Variants in ANKRD30B observed in about 807,000 individuals in gnomAD.
ANKRD30B encodes ankyrin repeat domain-containing protein 30B.
In ANKRD30B, 144 loss-of-function variants were observed where a neutral mutation model predicts 202.2. The observed-to-expected ratio is 0.71, with a 90% CI of 0.62 to 0.82. The LOEUF is 0.82. ANKRD30B is among the 40% of genes least tolerant of loss of function. ANKRD30B has a pLI of 0.00. For missense variants in ANKRD30B, 1,487 were observed against 1,669.1 expected, an observed-to-expected ratio of 0.89 and a Z score of 1.90; for synonymous variants, 508 against 561.3, an observed-to-expected ratio of 0.91 and a Z score of 1.34.
chr18:14,840,815 G>C, intron 37 of ANKRD30B, 137 bp downstream of exon 37: 1 of 488,502 alleles, frequency 2.0e-6, no homozygotes, highest in Non-Finnish European at 3.7e-6. Context: ...TGAAAGTTAT[G>C]TGTCTTCTCA....
At chr18:14,907,821 C>G in the ANKRD30B span, among the ~76,000 whole-genome samples, 12 of 152,246 alleles carry the variant, frequency 7.9e-5, no homozygotes, top group Admixed American at 1.3e-4. Flanking sequence ...TTTTTCCAAA[C>G]TGACACTCTG....
At chr18:14,809,427 T>G (rs944555128) in intron 26 of ANKRD30B, among the ~76,000 whole-genome samples, 14 of 150,924 alleles carry the variant, frequency 9.3e-5, no homozygotes, top group South Asian at 2.1e-4. Flanking sequence ...AGACAACTGG[T>G]TAGACCAGAA....
At chr18:14,879,489 A>G in the ANKRD30B span, among the ~76,000 whole-genome samples, 1 of 152,198 alleles carries the variant, frequency 6.6e-6, no homozygotes, top group African/African-American at 2.4e-5. Flanking sequence ...GTCCTAAGAC[A>G]GCGATCATAA....
chr18:14,811,200 T>A (rs1366527359), intron 28 of ANKRD30B, among the ~76,000 whole-genome samples: 3 of 151,682 alleles, frequency 2.0e-5, no homozygotes, highest in Non-Finnish European at 4.4e-5. Flanking sequence ...ATTTTCTTTT[T>A]TTTTTAAATT....
chr18:14,914,803 T>G, the ANKRD30B span, among the ~76,000 whole-genome samples: 1 of 152,128 alleles, frequency 6.6e-6, no homozygotes, highest in Non-Finnish European at 1.5e-5. Flanking sequence ...GGTTGTCGTG[T>G]TTTAGGTCTC....
intron 16 of ANKRD30B, among the ~76,000 whole-genome samples, chr18:14,792,877 C>T (rs1010159461): frequency 3.8e-4 from 58 of 152,148 alleles, no homozygotes; most frequent in African/African-American, 1.4e-3. Context: ...TAGCGAATAA[C>T]ATGATATACC....
intron 39 of ANKRD30B, among the ~76,000 whole-genome samples, 184 bp downstream of exon 39, chr18:14,843,280 A>T (rs923772697): frequency 3.3e-5 from 5 of 152,190 alleles, no homozygotes; most frequent in African/African-American, 1.2e-4. Flanking sequence ...TAGTTTTTTT[A>T]AAAAGTAGCT....
At chr18:14,843,846 C>A (rs989304562) in intron 39 of ANKRD30B, among the ~76,000 whole-genome samples, 3 of 152,018 alleles carry the variant, frequency 2.0e-5, no homozygotes, top group Non-Finnish European at 2.9e-5. Flanking sequence ...GAGAAGTAAT[C>A]ATTTCTTTAT....
At chr18:14,912,947 T>G in the ANKRD30B span, among the ~76,000 whole-genome samples, 1 of 152,266 alleles carries the variant, frequency 6.6e-6, no homozygotes, top group African/African-American at 2.4e-5. Flanking sequence ...GGTTTGTTTT[T>G]ATTTTCTTCA....
At chr18:14,770,186 T>C (rs1158938104) in intron 8 of ANKRD30B, among the ~76,000 whole-genome samples, 1 of 152,164 alleles carries the variant, frequency 6.6e-6, no homozygotes, top group Non-Finnish European at 1.5e-5. Flanking sequence ...TGCTTGGTGT[T>C]CTTTTCTTCT....
the ANKRD30B span, among the ~76,000 whole-genome samples, chr18:14,891,165 G>C: frequency 4.6e-5 from 7 of 152,144 alleles, no homozygotes; most frequent in Non-Finnish European, 1.0e-4. Flanking sequence ...TTATCTGTGT[G>C]ATTGGGCCTT....
the ANKRD30B span, among the ~76,000 whole-genome samples, chr18:14,939,420 A>T: frequency 2.0e-5 from 3 of 152,098 alleles, no homozygotes; most frequent in East Asian, 3.9e-4. Context: ...GGTGTGGGGG[A>T]TCCCTATGTA....
chr18:14,854,915 TA>T (rs1972037592), downstream of ANKRD30B, among the ~76,000 whole-genome samples: 1 of 152,014 alleles, frequency 6.6e-6, no homozygotes, highest in East Asian at 1.9e-4. Flanking sequence ...ATGCTTTTTT[TA>T]TTATTATTTA....
At chr18:14,804,344 C>T (rs1047714359) in intron 24 of ANKRD30B, among the ~76,000 whole-genome samples, 1 of 105,824 alleles carries the variant, frequency 9.4e-6, no homozygotes, top group East Asian at 2.5e-4. Context: ...AAGCAGCTGA[C>T]CATGGAGAGC....
At chr18:14,941,052 C>A in the ANKRD30B span, among the ~76,000 whole-genome samples, 2 of 152,264 alleles carry the variant, frequency 1.3e-5, no homozygotes, top group Admixed American at 6.5e-5. Context: ...GATAACACTG[C>A]AGGTCAATTT....
intron 10 of ANKRD30B, among the ~76,000 whole-genome samples, chr18:14,779,352 G>T (rs538416625): frequency 6.6e-6 from 1 of 152,154 alleles, no homozygotes; most frequent in Non-Finnish European, 1.5e-5. Flanking sequence ...TTGCATTGAG[G>T]AAAGACTATC....
At position 14,763,764 on chromosome 18, in the gene ANKRD30B, A is replaced by C; in HGVS notation, c.899A>C (p.Glu300Ala). 1 of 1,614,018 alleles carries C rather than the reference A, an allele frequency of 6.2e-7. No homozygotes were observed. The highest frequency in any genetic ancestry group is 8.5e-7 in the Non-Finnish European group (1 of 1,179,986). The change falls in exon 7 of 44, where the codon GAA (glutamate) becomes GCA (alanine). Residue 300 changes from glutamate (E) to alanine (A), a missense_variant. Physicochemically the swap from Glu to Ala is moderately radical, Grantham distance 107 (BLOSUM62 -1). Transcript: ENST00000690538. The stretch of plus-strand genomic sequence containing the variant: ...CCTGACACGGCTGAAAGCTTGCTGG[A>C]AAAAACACCTGACGAGGCTGCACGC... ...RTPDTAESLL[E>A]KTPDEAARLV...
At chr18:14,789,575 T>G (rs1396180269) in intron 15 of ANKRD30B, among the ~76,000 whole-genome samples, 2 of 152,206 alleles carry the variant, frequency 1.3e-5, no homozygotes, top group African/African-American at 4.8e-5. Flanking sequence ...GTATAAGGTG[T>G]AAGGAAGGGA....
the ANKRD30B span, among the ~76,000 whole-genome samples, chr18:14,900,028 A>G: frequency 6.6e-6 from 1 of 152,096 alleles, no homozygotes; most frequent in African/African-American, 2.4e-5. Flanking sequence ...AGGCACTCAA[A>G]CCATTCTTTT....
Sources: allele counts gnomAD v4.1 joint callset (sites outside exome capture counted in the v4.1 genomes callset), GRCh38; gene constraint gnomAD v4.1.1; transcripts MANE v1.5; gene names NCBI Gene and HGNC (gene_info 2026-07-23, HGNC 2026-07-21).